Variants in CNTN4 observed in about 807,000 individuals in gnomAD.
CNTN4 encodes contactin 4, also known as contactin-4.
A neutral mutation model predicts 122.5 loss-of-function variants in CNTN4; 77 were observed. That is an observed-to-expected ratio of 0.63 (90% CI 0.52 to 0.76). The LOEUF (loss-of-function observed/expected upper bound fraction) is 0.76. Ranked by LOEUF, CNTN4 falls within the 30% of genes least tolerant of loss-of-function variation. The pLI, the probability that CNTN4 is intolerant of heterozygous loss-of-function variation, is 0.00. For missense variants in CNTN4, 1,256 were observed against 1,259.1 expected, an observed-to-expected ratio of 1.00 and a Z score of 0.04; for synonymous variants, 512 against 447.0, an observed-to-expected ratio of 1.15 and a Z score of -1.83.
intron 13 of CNTN4, among the ~76,000 whole-genome samples, chr3:2,928,073 C>T (rs1256490035): frequency 1.3e-5 from 2 of 152,208 alleles, no homozygotes; most frequent in African/African-American, 4.8e-5. Context: ...GAGACACCTG[C>T]CACTCAGCCA....
chr3:2,217,030 C>G (rs920185407), intron 2 of CNTN4, among the ~76,000 whole-genome samples: 1 of 152,128 alleles, frequency 6.6e-6, no homozygotes, highest in African/African-American at 2.4e-5. Context: ...GTAGATCTTT[C>G]TACTCTATCT....
chr3:2,720,643 T>C (rs1242143913), intron 4 of CNTN4, among the ~76,000 whole-genome samples: 1 of 152,198 alleles, frequency 6.6e-6, no homozygotes. Context: ...ATCTATTAGA[T>C]AAACACTAAA....
chr3:2,540,170 A>G (rs1413609531), intron 3 of CNTN4, among the ~76,000 whole-genome samples: 4 of 152,068 alleles, frequency 2.6e-5, no homozygotes, highest in Admixed American at 1.3e-4. Context: ...CCATAGAAAC[A>G]ATCATAAATT....
chr3:2,754,878 T>G (rs561466722), intron 6 of CNTN4, among the ~76,000 whole-genome samples: 2 of 152,266 alleles, frequency 1.3e-5, no homozygotes, highest in South Asian at 4.2e-4. Flanking sequence ...AAATATCAAT[T>G]GAATAAACAG....
chr3:2,720,766 T>C (rs1313174455), intron 4 of CNTN4, among the ~76,000 whole-genome samples: 1 of 152,212 alleles, frequency 6.6e-6, no homozygotes, highest in Non-Finnish European at 1.5e-5. Context: ...TAAGAATTAT[T>C]AGGTGCCAGA....
At chr3:2,137,208 C>G (rs2034737428) in intron 2 of CNTN4, among the ~76,000 whole-genome samples, 1 of 152,158 alleles carries the variant, frequency 6.6e-6, no homozygotes, top group East Asian at 1.9e-4. Flanking sequence ...CTAGCTGTAT[C>G]TAAATTGGAC....
At chr3:2,898,902 C>A (rs1220878742) in intron 10 of CNTN4, among the ~76,000 whole-genome samples, 2 of 152,140 alleles carry the variant, frequency 1.3e-5, no homozygotes, top group African/African-American at 4.8e-5. Flanking sequence ...AAGCAGAGAA[C>A]CTTTTTAGCT....
At position 2,708,655 on chromosome 3, in the gene CNTN4, T is replaced by A. The variant is rs115406255; in HGVS notation, c.56-27560T>A. Among the ~76,000 whole-genome samples the A allele has an allele frequency of 4.3e-3, 645 of 150,730 alleles. 4 individuals carry two copies. The highest frequency in any genetic ancestry group is 0.015 in the African/African-American group (616 of 41,124). On this transcript the variant is annotated intron_variant, in intron 4 of 24. Transcript: ENST00000418658. Reference sequence around the variant, plus strand: ...CTTAAATCTGGAGACCTTCATGTACTTCCTAGAGAGGCAATCCATTCCCTC... The same window carrying A: ...CTTAAATCTGGAGACCTTCATGTACATCCTAGAGAGGCAATCCATTCCCTC...
intron 2 of CNTN4, among the ~76,000 whole-genome samples, chr3:2,316,529 T>C (rs1020540913): frequency 6.6e-6 from 1 of 152,122 alleles, no homozygotes; most frequent in Non-Finnish European, 1.5e-5. Flanking sequence ...GTCTTTTTCT[T>C]AAGAGAATCC....
chr3:2,781,716 ATTTTTTTTT>A (rs59896254), intron 6 of CNTN4, among the ~76,000 whole-genome samples: 8 of 85,940 alleles, frequency 9.3e-5, no homozygotes, highest in African/African-American at 1.0e-4. Flanking sequence ...CTTTGGGTAA[ATTTTTTTTT>A]TTTTTTTTTT....
At chr3:2,529,215 T>G (rs2077509002) in intron 3 of CNTN4, among the ~76,000 whole-genome samples, 1 of 152,184 alleles carries the variant, frequency 6.6e-6, no homozygotes, top group African/African-American at 2.4e-5. Flanking sequence ...TTTATCATTC[T>G]GTGCCTGGCT....
chr3:2,949,019 T>C (rs531626023), intron 13 of CNTN4, among the ~76,000 whole-genome samples: 1 of 152,208 alleles, frequency 6.6e-6, no homozygotes, highest in Non-Finnish European at 1.5e-5. Context: ...GTGTCCTACA[T>C]AGCCAGGCCC....
intron 9 of CNTN4, 27 bp downstream of exon 9, chr3:2,883,274 ATCCTCCCTTCAGCT>A: frequency 6.5e-7 from 1 of 1,531,026 alleles, no homozygotes; most frequent in South Asian, 1.1e-5. Context: ...GTTCCTTCTC[ATCCTCCCTTCAGCT>A]TGAGCAGGTA....
intron 4 of CNTN4, among the ~76,000 whole-genome samples, chr3:2,659,583 A>G (rs1383058527): frequency 6.6e-6 from 1 of 152,044 alleles, no homozygotes; most frequent in East Asian, 1.9e-4. Context: ...CTTATGTCCT[A>G]TAAAGATCAG....
intron 14 of CNTN4, among the ~76,000 whole-genome samples, chr3:3,022,159 G>A (rs1014919483): frequency 6.6e-6 from 1 of 151,798 alleles, no homozygotes; most frequent in Non-Finnish European, 1.5e-5. Flanking sequence ...TGGGAGGATC[G>A]TTTGAACCTG....
At position 2,887,043 on chromosome 3, in the gene CNTN4, A is replaced by G. The variant is rs763349216; in HGVS notation, c.759A>G (p.Pro253=). 2 of 1,613,622 alleles carry G rather than the reference A, an allele frequency of 1.2e-6. No individual in the cohort carries two copies. Among genetic ancestry groups the G allele is most frequent in the Non-Finnish European group, 1.7e-6 (2 of 1,179,722 alleles). ...TCCTTTTTATTCTTGCTATCAGTCC[A>G]GTACCAACTATTATCTGGCGAAGAG... ...VKLECFALGN[P]VPTIIWRRAD... Residue 253 remains proline (P), a synonymous_variant, in exon 10 of 25, where the codon CCA becomes CCG. Transcript: ENST00000418658.
rs144250462 is a variant in CNTN4, at chr3:2,783,150, G to A, written c.359-36336G>A. ...TTTTTTTTTAAATTAGCAGGACATA[G>A]TGGTGGTACATGTCTGTAGTCCTAG... On this transcript the variant is annotated intron_variant, in intron 6 of 24. Transcript: ENST00000418658. Among the ~76,000 whole-genome samples, 447 of 151,710 alleles carry A rather than the reference G, an allele frequency of 2.9e-3. 4 individuals are homozygous for A. Among genetic ancestry groups the A allele is most frequent in the African/African-American group, 0.01 (419 of 41,350 alleles).
intron 3 of CNTN4, among the ~76,000 whole-genome samples, chr3:2,561,945 T>C (rs2078974382): frequency 6.6e-6 from 1 of 152,196 alleles, no homozygotes; most frequent in Non-Finnish European, 1.5e-5. Context: ...TTGCTTTCCA[T>C]AGGAGTGGGA....
At position 2,200,113 on chromosome 3, in the gene CNTN4, G is replaced by A. The variant is rs572747827; in HGVS notation, c.-145+99474G>A. On this transcript the variant is annotated intron_variant, in intron 2 of 24. Coordinates refer to ENST00000418658, the MANE Select transcript of CNTN4 (RefSeq NM_175607.3). ...TGCAGTATGTAAAGAATGGATTCAC[G>A]AGGATAAAGAGATGGTAGGGATCCT... 4.7e-4 allele frequency among the ~76,000 whole-genome samples: 72 copies of A among 152,218 alleles called. 2 individuals are homozygous for A. The highest frequency in any genetic ancestry group is 1.6e-3 in the African/African-American group (66 of 41,528).
Sources: allele counts gnomAD v4.1 joint callset (sites outside exome capture counted in the v4.1 genomes callset), GRCh38; gene constraint gnomAD v4.1.1; transcripts MANE v1.5; gene names NCBI Gene and HGNC (gene_info 2026-07-23, HGNC 2026-07-21).